HMCN1: variants seen among roughly 807,000 people sequenced by gnomAD.
HMCN1 encodes the protein hemicentin-1.
HMCN1 carries 321 observed loss-of-function variants against 625.9 expected under a neutral mutation model. The ratio of observed to expected loss-of-function variants is 0.51; its 90% confidence interval spans 0.47 to 0.56. HMCN1 has a LOEUF of 0.56. Among genes scored for constraint, HMCN1 ranks in the 20% least tolerant of loss-of-function variants. The pLI is 0.00. For synonymous variants in HMCN1, 2,425 were observed against 2,417.6 expected (o/e 1.00, Z -0.09); for missense variants, 6,588 against 6,887.3 (o/e 0.96, Z 1.54).
intron 11 of HMCN1, among the ~76,000 whole-genome samples, chr1:185,950,768 G>A (rs1668612253): frequency 6.6e-6 from 1 of 151,918 alleles, no homozygotes; most frequent in South Asian, 2.1e-4. Flanking sequence ...GAATAGTAAA[G>A]AAAGCATGTT....
chr1:186,167,627 G>GTTCTTCACCGAATCA (rs1332878697), intron 100 of HMCN1, among the ~76,000 whole-genome samples: 34 of 152,264 alleles, frequency 2.2e-4, no homozygotes, highest in African/African-American at 7.9e-4. Flanking sequence ...AACATTCTCT[G>GTTCTTCACCGAATCA]TTCTTCACCG....
At chr1:186,117,701 A>G (rs1355263044) in intron 77 of HMCN1, 78 bp downstream of exon 77, 2 of 1,375,710 alleles carry the variant, frequency 1.5e-6, no homozygotes, top group Admixed American at 3.4e-5. Flanking sequence ...CCTTTGTTGC[A>G]CCAGAATAAA....
intron 69 of HMCN1, among the ~76,000 whole-genome samples, chr1:186,105,550 C>T (rs965597063): frequency 2.0e-5 from 3 of 152,222 alleles, no homozygotes; most frequent in Non-Finnish European, 2.9e-5. Context: ...GGGGACCACT[C>T]TATGACTAAT....
Position 186,053,832 on chromosome 1 carries a change from A to G in HMCN1, c.6708A>G (p.Pro2236=), listed in dbSNP as rs144191448. 1.6e-3 allele frequency: 2,628 copies of G among 1,612,550 alleles called. 18 individuals carry two copies. Among genetic ancestry groups the G allele is most frequent in the Non-Finnish European group, 1.0e-3 (1,219 of 1,179,074 alleles). Reference sequence around the variant, plus strand: ...ATTTGGACTTCTTTGTAGGCTCTCCAGTGCTGACTGATTCCATGGGGCGAG... The same window carrying G: ...ATTTGGACTTCTTTGTAGGCTCTCCGGTGCTGACTGATTCCATGGGGCGAG... ...PNLIWKKKGS[P]VLTDSMGRVR... The change falls in exon 44 of 107, where the codon CCA becomes CCG. Residue 2236 remains proline (P), a synonymous_variant. Transcript: ENST00000271588.
intron 106 of HMCN1, among the ~76,000 whole-genome samples, 171 bp from the exon 107 acceptor site, chr1:186,189,341 G>A (rs900304727): frequency 6.6e-6 from 1 of 152,140 alleles, no homozygotes; most frequent in Non-Finnish European, 1.5e-5. Context: ...CTAGTCATCT[G>A]GTGTCTGGTT....
chr1:185,949,884 G>GTAGAATAGCAGA (rs1668552120), intron 11 of HMCN1, among the ~76,000 whole-genome samples: 1 of 151,618 alleles, frequency 6.6e-6, no homozygotes, highest in Admixed American at 6.6e-5. Flanking sequence ...CTGAGGAGTA[G>GTAGAATAGCAGA]TAGAATAGCA....
chr1:185,790,682 A>G (rs897206871), intron 1 of HMCN1, among the ~76,000 whole-genome samples: 1 of 152,186 alleles, frequency 6.6e-6, no homozygotes, highest in Non-Finnish European at 1.5e-5. Context: ...GCATTGCAGG[A>G]TGTTTGGCAT....
At chr1:185,966,006 G>T in intron 14 of HMCN1, 91 bp downstream of exon 14, 1 of 814,170 alleles carries the variant, frequency 1.2e-6, no homozygotes, top group South Asian at 1.4e-5. Context: ...TTTGGTGTGT[G>T]ACTTAGCAGC....
chr1:185,821,413 C>T (rs780905205), intron 1 of HMCN1, among the ~76,000 whole-genome samples: 24 of 152,076 alleles, frequency 1.6e-4, no homozygotes, highest in Non-Finnish European at 3.4e-4. Flanking sequence ...GAAACTCATA[C>T]TCGTATTCTG....
At chr1:185,763,493 C>T (rs911411525) in intron 1 of HMCN1, among the ~76,000 whole-genome samples, 1 of 152,066 alleles carries the variant, frequency 6.6e-6, no homozygotes, top group African/African-American at 2.4e-5. Context: ...AAGATGGTTC[C>T]TTATATTAAT....
chr1:186,034,115 G>A (rs964125351), intron 36 of HMCN1, among the ~76,000 whole-genome samples: 57 of 152,180 alleles, frequency 3.7e-4, no homozygotes, highest in African/African-American at 1.3e-3. Flanking sequence ...TGTGGGAAAG[G>A]GAAGCAGCAT....
intron 1 of HMCN1, among the ~76,000 whole-genome samples, chr1:185,798,285 A>G (rs1246917315): frequency 6.6e-6 from 1 of 152,188 alleles, no homozygotes; most frequent in African/African-American, 2.4e-5. Context: ...TTAGTCTGAT[A>G]GAGTTTCCTT....
rs769120715 is a variant in HMCN1 at position 185,984,189 on chromosome 1, C to G, written c.2811C>G (p.Ile937Met). 1.2e-6 allele frequency: 2 copies of G among 1,613,072 alleles called. No homozygotes were observed. The highest frequency in any genetic ancestry group is 1.7e-6 in the Non-Finnish European group (2 of 1,179,424). The change falls in exon 19 of 107, where the codon ATC (isoleucine) becomes ATG (methionine). Residue 937 changes from isoleucine (I) to methionine (M), a missense_variant. By Grantham distance (10) the Ile-to-Met change is conservative. This residue lies in a region of HMCN1 where 4,628 missense variants were observed against 4,853.1 expected (regional missense o/e 0.95). Coordinates refer to ENST00000271588, the MANE Select transcript of HMCN1 (RefSeq NM_031935.3). ...TTAAGTTGCTCCAAAATCCTTACATCACTGTGCGCAGTGATGGGAGCCTCC... is the reference window on the plus strand; with the variant it reads ...TTAAGTTGCTCCAAAATCCTTACATGACTGTGCGCAGTGATGGGAGCCTCC... ...NSAMLLQNPY[I>M]TVRSDGSLHI... is the part of the protein sequence containing the mutation.
intron 97 of HMCN1, among the ~76,000 whole-genome samples, chr1:186,157,000 C>T (rs765243453): frequency 3.3e-5 from 5 of 152,120 alleles, no homozygotes; most frequent in Non-Finnish European, 5.9e-5. Context: ...AATCTTTACA[C>T]CCATTAAAAA....
intron 6 of HMCN1, among the ~76,000 whole-genome samples, chr1:185,913,094 C>T (rs1666518952): frequency 6.6e-6 from 1 of 152,020 alleles, no homozygotes; most frequent in Non-Finnish European, 1.5e-5. Flanking sequence ...CATTCAAATC[C>T]TAAGATACTA....
intron 77 of HMCN1, among the ~76,000 whole-genome samples, chr1:186,118,574 A>G (rs572483454): frequency 6.6e-6 from 1 of 152,238 alleles, no homozygotes; most frequent in Non-Finnish European, 1.5e-5. Context: ...AGCATCATTC[A>G]CAATAGCCAA....
chr1:185,752,474 G>A (rs1370068590), intron 1 of HMCN1, among the ~76,000 whole-genome samples: 2 of 151,968 alleles, frequency 1.3e-5, no homozygotes, highest in East Asian at 1.9e-4. Context: ...TTTGGGCGTT[G>A]GAATATTTCC....
chr1:185,869,608 A>G (rs1311794919), intron 4 of HMCN1, among the ~76,000 whole-genome samples: 3 of 152,182 alleles, frequency 2.0e-5, no homozygotes, highest in African/African-American at 4.8e-5. Context: ...TGAAGCTCCT[A>G]CTGGAACTGT....
intron 1 of HMCN1, among the ~76,000 whole-genome samples, chr1:185,756,028 T>C (rs898068655): frequency 2.0e-5 from 3 of 152,088 alleles, no homozygotes; most frequent in African/African-American, 7.2e-5. Context: ...CTGTACTCTG[T>C]ACCTGTGTAC....
Sources: allele counts gnomAD v4.1 joint callset (sites outside exome capture counted in the v4.1 genomes callset), GRCh38; gene constraint gnomAD v4.1.1; regional missense constraint gnomAD v4.1.1; transcripts MANE v1.5; gene names NCBI Gene and HGNC (gene_info 2026-07-23, HGNC 2026-07-21).